VPS45: variants seen among roughly 807,000 people sequenced by gnomAD.
The protein encoded by VPS45 is vacuolar protein sorting 45 homolog.
In VPS45, 35 loss-of-function variants were observed where a neutral mutation model predicts 75.9. That is an observed-to-expected ratio of 0.46 (90% CI 0.35 to 0.61). VPS45 has a LOEUF of 0.61. Ranked by LOEUF, VPS45 falls within the 20% of genes least tolerant of loss-of-function variation. The pLI, the probability that VPS45 is intolerant of heterozygous loss-of-function variation, is 0.00. For missense variants in VPS45, 559 were observed against 685.9 expected (o/e 0.81, Z 2.07); for synonymous variants, 220 against 238.2 (o/e 0.92, Z 0.70).
At chr1:150,068,824 G>A (rs906317955) in intron 2 of VPS45, 60 bp downstream of exon 2, 30 of 1,414,158 alleles carry the variant, frequency 2.1e-5, no homozygotes, top group Non-Finnish European at 2.7e-5. Context: ...TGATCTGAAA[G>A]CATTAAGAAG....
rs782613315 is a variant in VPS45 at position 150,092,051 on chromosome 1, A to G, written c.1219A>G (p.Met407Val). ...RHSSNSLPGL[M>V]MDLRNKGVSE... is the part of the protein sequence containing the mutation. ...CAGCAGCAATAGCCTGCCAGGACTA[A>G]TGATGGACCTCAGGAATAAAGGTGT... Residue 407 changes from methionine to valine, a missense_variant, in exon 11 of 15, where the codon ATG (methionine) becomes GTG (valine). Physicochemically the swap from Met to Val is conservative, Grantham distance 21. Coordinates refer to ENST00000644510, the MANE Select transcript of VPS45 (RefSeq NM_007259.5). The G allele has an allele frequency of 1.9e-6, 3 of 1,614,142 alleles. No individual in the cohort carries two copies. The highest frequency in any genetic ancestry group is 1.7e-5 in the Admixed American group (1 of 60,020).
chr1:150,129,009 C>T (rs1658673138), intron 14 of VPS45, among the ~76,000 whole-genome samples: 1 of 138,348 alleles, frequency 7.2e-6, no homozygotes, highest in South Asian at 2.1e-4. Flanking sequence ...AGGCGTGAGC[C>T]ACTGCATCCG....
At chr1:150,113,799 G>C (rs1304776151) in intron 14 of VPS45, among the ~76,000 whole-genome samples, 7 of 152,004 alleles carry the variant, frequency 4.6e-5, no homozygotes, top group African/African-American at 1.7e-4. Flanking sequence ...AGGAGGCTGA[G>C]GCAGGAGAAT....
intron 14 of VPS45, among the ~76,000 whole-genome samples, chr1:150,129,330 G>T (rs1286423345): frequency 1.3e-5 from 2 of 151,952 alleles, no homozygotes; most frequent in African/African-American, 4.8e-5. Context: ...GCACTGTAAC[G>T]TATATTTTTT....
chr1:150,140,242 C>T (rs1553814951), intron 14 of VPS45, among the ~76,000 whole-genome samples: 1 of 152,166 alleles, frequency 6.6e-6, no homozygotes, highest in Non-Finnish European at 1.5e-5. Flanking sequence ...CTACCATCTC[C>T]AATACTCCTT....
At chr1:150,113,259 C>T (rs1657744574) in intron 14 of VPS45, among the ~76,000 whole-genome samples, 1 of 152,056 alleles carries the variant, frequency 6.6e-6, no homozygotes, top group Admixed American at 6.6e-5. Context: ...ACCCTCAGTA[C>T]TCAGAAAATT....
At chr1:150,115,576 TAAG>T in intron 14 of VPS45, among the ~76,000 whole-genome samples, 1 of 152,338 alleles carries the variant, frequency 6.6e-6, no homozygotes. Context: ...TGAGTTATCT[TAAG>T]AAGGATTTTA....
intron 13 of VPS45, among the ~76,000 whole-genome samples, chr1:150,105,670 A>G (rs1657281913): frequency 6.6e-6 from 1 of 152,222 alleles, no homozygotes. Flanking sequence ...ATCAATATTA[A>G]AATGATCATA....
In VPS45 at chr1:150,077,217, G is replaced by T; in HGVS notation, c.562G>T (p.Ala188Ser). 1.9e-6 allele frequency: 3 copies of T among 1,613,852 alleles called. No individual in the cohort carries two copies. ...QLSSEAAKRL[A>S]ECVKQVITKE... Reference sequence around the variant, plus strand: ...CTCATCAGAGGCAGCAAAGAGACTTGCAGAGTGCGTTAAGGTATGGCATTA... The same window carrying T: ...CTCATCAGAGGCAGCAAAGAGACTTTCAGAGTGCGTTAAGGTATGGCATTA... Residue 188 changes from alanine to serine, a missense_variant, in exon 6 of 15, where the codon GCA (alanine) becomes TCA (serine). Physicochemically the swap from Ala to Ser is moderately conservative, Grantham distance 99. Coordinates refer to ENST00000644510, the MANE Select transcript of VPS45 (RefSeq NM_007259.5).
intron 14 of VPS45, among the ~76,000 whole-genome samples, chr1:150,122,040 G>C (rs935699173): frequency 6.6e-6 from 1 of 152,140 alleles, no homozygotes; most frequent in Admixed American, 6.6e-5. Flanking sequence ...ATGTGTGTAG[G>C]CCAGGTGCCA....
At chr1:150,081,305 T>C in intron 7 of VPS45, 37 bp from the exon 8 acceptor site, 4 of 1,565,402 alleles carry the variant, frequency 2.6e-6, no homozygotes, top group Admixed American at 2.2e-5. Context: ...TTCCATATTC[T>C]GTCAGTTACC....
intron 13 of VPS45, among the ~76,000 whole-genome samples, chr1:150,097,060 T>C (rs1019214962): frequency 2.0e-5 from 3 of 150,470 alleles, no homozygotes; most frequent in African/African-American, 7.3e-5. Flanking sequence ...ATATATTAGA[T>C]AGAAAAGCAG....
At chr1:150,096,334 A>C (rs1656654960) in intron 13 of VPS45, among the ~76,000 whole-genome samples, 1 of 152,202 alleles carries the variant, frequency 6.6e-6, no homozygotes, top group Admixed American at 6.5e-5. Flanking sequence ...AGATTTGATG[A>C]GGCCAAAGAA....
intron 14 of VPS45, among the ~76,000 whole-genome samples, chr1:150,123,392 G>GT (rs1559937382): frequency 6.6e-6 from 1 of 152,136 alleles, no homozygotes; most frequent in South Asian, 2.1e-4. Context: ...CCTGACTTAC[G>GT]TTTTAGGAGG....
chr1:150,079,795 T>G (rs1553798881), intron 7 of VPS45, among the ~76,000 whole-genome samples: 3 of 152,236 alleles, frequency 2.0e-5, no homozygotes, highest in Non-Finnish European at 4.4e-5. Flanking sequence ...AAGGGAAATC[T>G]GTGGAGTGAA....
intron 10 of VPS45, among the ~76,000 whole-genome samples, chr1:150,090,445 A>G (rs1200320914): frequency 5.9e-5 from 9 of 152,178 alleles, no homozygotes; most frequent in Non-Finnish European, 4.4e-5. Context: ...TTTGTTCCTG[A>G]AAAACCTCAT....
At chr1:150,142,720 CA>C in intron 14 of VPS45, 1 of 340,362 alleles carries the variant, frequency 2.9e-6, no homozygotes, top group Non-Finnish European at 5.9e-6. Context: ...GGTTGGAGTG[CA>C]ATGGCACAAT....
intron 14 of VPS45, among the ~76,000 whole-genome samples, chr1:150,120,864 CTTTTT>C (rs370159689): frequency 3.5e-5 from 3 of 86,036 alleles, no homozygotes; most frequent in Admixed American, 1.4e-4. Context: ...TAGCAACATT[CTTTTT>C]TTTTTTTTTT....
chr1:150,084,099 G>A (rs782101908), intron 10 of VPS45, among the ~76,000 whole-genome samples: 4 of 152,172 alleles, frequency 2.6e-5, no homozygotes, highest in Non-Finnish European at 5.9e-5. Context: ...AAGGAGTTCA[G>A]CCAGGAGCAG....
Sources: allele counts gnomAD v4.1 joint callset (sites outside exome capture counted in the v4.1 genomes callset), GRCh38; gene constraint gnomAD v4.1.1; transcripts MANE v1.5; gene names NCBI Gene and HGNC (gene_info 2026-07-23, HGNC 2026-07-21).